Variants in CIB4 observed in about 807,000 individuals in gnomAD.
CIB4 encodes the protein calcium and integrin binding family member 4.
In CIB4, 25 loss-of-function variants were observed where a neutral mutation model predicts 25.8. The ratio of observed to expected loss-of-function variants is 0.97; its 90% confidence interval spans 0.71 to 1.35. CIB4 has a LOEUF of 1.35. Among genes scored for constraint, CIB4 ranks in the 40% most tolerant of loss-of-function variants. The pLI, the probability that CIB4 is intolerant of heterozygous loss-of-function variation, is 0.00. For missense variants in CIB4, 235 were observed against 228.2 expected (o/e 1.03, Z -0.19); for synonymous variants, 75 against 81.4 (o/e 0.92, Z 0.42).
chr2:26,603,325 C>T (rs925460327), intron 3 of CIB4, among the ~76,000 whole-genome samples: 32 of 151,982 alleles, frequency 2.1e-4, no homozygotes, highest in Non-Finnish European at 3.4e-4. Context: ...TAGTGCAAGC[C>T]GAGCAAAGTT....
chr2:26,637,811 T>G (rs1669561861), intron 2 of CIB4, among the ~76,000 whole-genome samples: 1 of 152,206 alleles, frequency 6.6e-6, no homozygotes, highest in Non-Finnish European at 1.5e-5. Context: ...CTCCTGGGTC[T>G]GGAGACTCCC....
intron 2 of CIB4, among the ~76,000 whole-genome samples, chr2:26,630,416 G>A (rs369310540): frequency 1.7e-4 from 26 of 152,248 alleles, no homozygotes; most frequent in African/African-American, 6.0e-4. Context: ...GTGTGACCTC[G>A]GGCAACTCAC....
chr2:26,582,080 C>T (rs1668356613), intron 6 of CIB4, among the ~76,000 whole-genome samples: 1 of 152,238 alleles, frequency 6.6e-6, no homozygotes, highest in Non-Finnish European at 1.5e-5. Context: ...GACCCAGCAG[C>T]CCCGGGCTCC....
intron 3 of CIB4, among the ~76,000 whole-genome samples, chr2:26,619,926 T>A (rs977688248): frequency 6.9e-5 from 10 of 145,920 alleles, no homozygotes; most frequent in African/African-American, 2.6e-4. Context: ...CATCCCGGAA[T>A]CCCCTACAGA....
chr2:26,618,577 G>A (rs1318324943), intron 3 of CIB4, among the ~76,000 whole-genome samples: 1 of 152,196 alleles, frequency 6.6e-6, no homozygotes, highest in Non-Finnish European at 1.5e-5. Flanking sequence ...TGGGATTGCA[G>A]GCATGGGCCA....
chr2:26,585,690 C>G (rs1038169455), intron 4 of CIB4, among the ~76,000 whole-genome samples: 1 of 152,116 alleles, frequency 6.6e-6, no homozygotes, highest in Admixed American at 6.5e-5. Flanking sequence ...CCTCCTTAAT[C>G]TCATTTCAGC....
intron 2 of CIB4, among the ~76,000 whole-genome samples, chr2:26,631,311 C>CA (rs903313518): frequency 1.1e-4 from 17 of 152,034 alleles, no homozygotes; most frequent in Non-Finnish European, 2.2e-4. Flanking sequence ...CCCATTTCTA[C>CA]AAAAAAATTG....
intron 3 of CIB4, among the ~76,000 whole-genome samples, chr2:26,611,612 C>T (rs531430992): frequency 3.3e-5 from 5 of 152,072 alleles, no homozygotes; most frequent in Non-Finnish European, 5.9e-5. Flanking sequence ...CATCTAAAAC[C>T]TCCAAGGAGA....
intron 2 of CIB4, among the ~76,000 whole-genome samples, chr2:26,634,349 CCTGAT>C (rs1669491283): frequency 6.6e-6 from 1 of 152,138 alleles, no homozygotes; most frequent in African/African-American, 2.4e-5. Flanking sequence ...CTTTTAGTTC[CCTGAT>C]CTGCTACTTG....
chr2:26,589,860 G>A lies in CIB4; in HGVS notation c.328+5316C>T, dbSNP rs79681689. Among the ~76,000 whole-genome samples, 50 of 152,286 alleles carry A rather than the reference G, an allele frequency of 3.3e-4. No individual in the cohort carries two copies. The East Asian group carries it at 7.0e-3, about 21-fold the overall frequency. ...GAGTGGACTTAGCTGCACTTTGGAC[G>A]TACTTTTGTCCTGATCCCTTCTCCT... On this transcript the variant is annotated intron_variant, in intron 4 of 6. Transcript: ENST00000288861.
intron 3 of CIB4, among the ~76,000 whole-genome samples, chr2:26,622,230 G>A (rs1015660573): frequency 2.1e-4 from 32 of 151,842 alleles, no homozygotes; most frequent in East Asian, 7.7e-4. Flanking sequence ...GCATGGTGGC[G>A]GGCACCTGTA....
Position 26,627,391 on chromosome 2 carries a change from A to C in CIB4, c.186+2019T>G, listed in dbSNP as rs1669330222. On this transcript the variant is annotated intron_variant, in intron 3 of 6. Transcript: ENST00000288861. The surrounding 1 kb of genome is among the most constrained non-coding windows in gnomAD (Gnocchi z 4.0). Reference sequence around the variant, plus strand: ...GTGAGGAGCATTTGACAGTGACTAGACTGGGTGGTCTCTAAGTTTCTTTCC... The same window carrying C: ...GTGAGGAGCATTTGACAGTGACTAGCCTGGGTGGTCTCTAAGTTTCTTTCC... Among the ~76,000 whole-genome samples the C allele has an allele frequency of 6.6e-6, 1 of 152,150 alleles. No homozygotes were observed. The highest frequency in any genetic ancestry group is 1.5e-5 in the Non-Finnish European group (1 of 68,024).
At chr2:26,617,662 G>T (rs939799517) in intron 3 of CIB4, among the ~76,000 whole-genome samples, 3 of 152,178 alleles carry the variant, frequency 2.0e-5, no homozygotes, top group African/African-American at 7.2e-5. Flanking sequence ...TGAGGGAGGG[G>T]CTCAGGGCAG....
chr2:26,630,395 G>A (rs1669394637), intron 2 of CIB4, among the ~76,000 whole-genome samples: 1 of 152,196 alleles, frequency 6.6e-6, no homozygotes, highest in Non-Finnish European at 1.5e-5. Flanking sequence ...CTGAACTGCT[G>A]TGGCAGGGCT....
At chr2:26,597,596 C>CTAT (rs750081224) in intron 3 of CIB4, among the ~76,000 whole-genome samples, 29 of 152,198 alleles carry the variant, frequency 1.9e-4, no homozygotes, top group Admixed American at 3.3e-4. Flanking sequence ...CTTACTATAT[C>CTAT]CATTAAAGGG....
At chr2:26,593,308 G>GTGTGTGTGTGTGTGTA (rs774525355) in intron 4 of CIB4, among the ~76,000 whole-genome samples, 63 of 142,142 alleles carry the variant, frequency 4.4e-4, no homozygotes, top group African/African-American at 1.8e-3. Context: ...GTAGAGATAT[G>GTGTGTGTGTGTGTGTA]TGTGTGTGTG....
intron 3 of CIB4, among the ~76,000 whole-genome samples, chr2:26,604,496 G>A (rs1668852659): frequency 1.3e-5 from 2 of 152,168 alleles, no homozygotes; most frequent in African/African-American, 4.8e-5. Context: ...AAGCAAGCCA[G>A]AAGACAATGG....
intron 2 of CIB4, among the ~76,000 whole-genome samples, chr2:26,634,002 C>T (rs1669484658): frequency 6.6e-6 from 1 of 152,132 alleles, no homozygotes; most frequent in African/African-American, 2.4e-5. Context: ...ATCCCATTTA[C>T]CCCCTTGCCT....
chr2:26,626,830 C>T (rs1288985739), intron 3 of CIB4, among the ~76,000 whole-genome samples: 1 of 152,096 alleles, frequency 6.6e-6, no homozygotes. Flanking sequence ...CTTGCTGCAC[C>T]CCACCCCTAA....
Sources: gnomAD v4.1 joint callset for allele counts (sites outside exome capture counted in the v4.1 genomes callset) on GRCh38, gnomAD v4.1.1 for gene constraint, Gnocchi (gnomAD v3.1) non-coding constraint, MANE v1.5 for transcripts, NCBI Gene and HGNC (gene_info 2026-07-23, HGNC 2026-07-21) for gene names.